STS: variants seen among roughly 807,000 people sequenced by gnomAD.
STS encodes the protein steroid sulfatase, also known as steryl-sulfatase.
A neutral mutation model predicts 26.8 loss-of-function variants in STS; 7 were observed. The ratio of observed to expected loss-of-function variants is 0.26; its 90% CI spans 0.15 to 0.49. STS has a LOEUF of 0.49. STS is among the 20% of genes least tolerant of loss of function. STS has a pLI of 0.98. For synonymous variants in STS, 199 were observed against 189.4 expected (o/e 1.05, Z -0.42); for missense variants, 434 against 465.6 (o/e 0.93, Z 0.63).
At chrX:7,246,991 A>G (rs1386453375) in intron 2 of STS, among the ~76,000 whole-genome samples, 6 of 112,716 alleles carry the variant, frequency 5.3e-5, no homozygotes, top group Admixed American at 4.7e-4. Context: ...AAATAATTCT[A>G]TGGTAATAGT....
chrX:7,251,634 C>T (rs1045660629), intron 2 of STS, among the ~76,000 whole-genome samples: 8 of 111,226 alleles, frequency 7.2e-5, no homozygotes, highest in African/African-American at 1.3e-4. Flanking sequence ...AAGACACCTG[C>T]GCTGTACCCC....
chrX:7,204,170 T>C (rs1207226019), intron 2 of STS, among the ~76,000 whole-genome samples: 2 of 111,538 alleles, frequency 1.8e-5, no homozygotes, highest in South Asian at 3.8e-4. Flanking sequence ...ACCATAAGGT[T>C]TTATATATGA....
At chrX:7,204,640 C>G (rs955172186) in intron 2 of STS, among the ~76,000 whole-genome samples, 2 of 102,043 alleles carry the variant, frequency 2.0e-5, no homozygotes, top group Non-Finnish European at 4.0e-5. Context: ...CCCTCTCTTC[C>G]TTTTTTCTCT....
intron 8 of STS, among the ~76,000 whole-genome samples, chrX:7,306,385 C>T (rs765617094): frequency 4.5e-5 from 5 of 111,173 alleles, no homozygotes; most frequent in Admixed American, 9.6e-5. Flanking sequence ...GAAGAGATGA[C>T]GCCTTAACCA....
intron 1 of STS, among the ~76,000 whole-genome samples, chrX:7,187,559 A>G (rs1472850574): frequency 8.9e-6 from 1 of 112,224 alleles, no homozygotes; most frequent in Non-Finnish European, 1.9e-5. Flanking sequence ...CTAAGGAGAA[A>G]TGCATTCTCT....
chrX:7,317,501 C>T (rs998270362), intron 8 of STS, among the ~76,000 whole-genome samples: 4 of 111,459 alleles, frequency 3.6e-5, no homozygotes, highest in Non-Finnish European at 7.5e-5. Flanking sequence ...CAGCGTTTCA[C>T]TTTGTCACCC....
At chrX:7,316,686 C>G (rs1014241920) in intron 8 of STS, among the ~76,000 whole-genome samples, 8 of 111,783 alleles carry the variant, frequency 7.2e-5, no homozygotes, top group African/African-American at 2.6e-4. Flanking sequence ...CTTATTTTTG[C>G]CTTCATAATA....
At chrX:7,259,135 G>A (rs1194827234) in intron 5 of STS, among the ~76,000 whole-genome samples, 2 of 111,005 alleles carry the variant, frequency 1.8e-5, no homozygotes, top group Admixed American at 9.6e-5. Context: ...TGTTGGAATC[G>A]CTAAATTAGT....
chrX:7,340,556 T>A (rs1189091082), intron 10 of STS, among the ~76,000 whole-genome samples: 1 of 112,507 alleles, frequency 8.9e-6, no homozygotes, highest in East Asian at 2.8e-4. Flanking sequence ...CTGATGTTTG[T>A]TGCATATTTA....
intron 9 of STS, among the ~76,000 whole-genome samples, chrX:7,332,520 T>G (rs1927804974): frequency 9.1e-6 from 1 of 110,362 alleles, no homozygotes; most frequent in African/African-American, 3.3e-5. Context: ...GGGGAGTCAT[T>G]GAAAGACATT....
intron 2 of STS, among the ~76,000 whole-genome samples, chrX:7,226,639 A>G (rs777064774): frequency 1.8e-5 from 2 of 111,674 alleles, no homozygotes; most frequent in East Asian, 5.7e-4. Flanking sequence ...CATGCCTGCA[A>G]TCCCAGCACT....
chrX:7,323,144 C>G (rs1056699475), intron 8 of STS, among the ~76,000 whole-genome samples: 6 of 111,647 alleles, frequency 5.4e-5, no homozygotes, highest in Non-Finnish European at 1.1e-4. Flanking sequence ...AAGCTATTTT[C>G]TCAAGTGCAA....
intron 8 of STS, among the ~76,000 whole-genome samples, chrX:7,314,387 G>A (rs1371706720): frequency 9.0e-6 from 1 of 111,633 alleles, no homozygotes; most frequent in African/African-American, 3.3e-5. Flanking sequence ...GACTGACAGT[G>A]TCAGGTGATG....
Position 7,161,985 on chromosome X carries a change from A to G in STS, c.-134+13902A>G, listed in dbSNP as rs192009662. Among the ~76,000 whole-genome samples, 10 of 111,831 alleles carry G rather than the reference A, an allele frequency of 8.9e-5. No homozygotes were observed. The East Asian group carries it at 1.7e-3, about 19-fold the overall frequency. On this transcript the variant is annotated intron_variant, in intron 1 of 10. Coordinates refer to ENST00000674429, the MANE Select transcript of STS (RefSeq NM_001320752.2). ...ACAGAAATCTAAAAGCTTTCAGTGCATGAAAAAAAGATAATAATGACTCCT... is the reference window on the plus strand; with the variant it reads ...ACAGAAATCTAAAAGCTTTCAGTGCGTGAAAAAAAGATAATAATGACTCCT...
intron 1 of STS, among the ~76,000 whole-genome samples, chrX:7,178,454 C>T (rs1345524232): frequency 5.4e-5 from 6 of 111,422 alleles, no homozygotes; most frequent in Non-Finnish European, 1.1e-4. Flanking sequence ...CTCCCGCTGC[C>T]GCATCGTGGG....
At chrX:7,294,143 A>G (rs1373968057) in intron 7 of STS, among the ~76,000 whole-genome samples, 1 of 111,399 alleles carries the variant, frequency 9.0e-6, no homozygotes, top group African/African-American at 3.3e-5. Context: ...TCTGAGTCTT[A>G]TCAAGTCTAT....
chrX:7,178,293 C>T (rs762196000), intron 1 of STS, among the ~76,000 whole-genome samples: 68 of 112,219 alleles, frequency 6.1e-4, no homozygotes, highest in Non-Finnish European at 1.2e-3. Flanking sequence ...GATTGCTACC[C>T]GAGCTTCAGT....
chrX:7,280,797 T>C (rs1289763924), intron 7 of STS, among the ~76,000 whole-genome samples: 1 of 112,596 alleles, frequency 8.9e-6, no homozygotes, highest in East Asian at 2.8e-4. Flanking sequence ...AATCAGCCTT[T>C]GCTCAGGATT....
chrX:7,210,239 C>A (rs1920991570), intron 2 of STS, among the ~76,000 whole-genome samples: 1 of 110,953 alleles, frequency 9.0e-6, no homozygotes, highest in Non-Finnish European at 1.9e-5. Context: ...ACGTTCCCAC[C>A]AACAGTGTAA....
Sources: allele counts gnomAD v4.1 joint callset (sites outside exome capture counted in the v4.1 genomes callset), GRCh38; gene constraint gnomAD v4.1.1; transcripts MANE v1.5; gene names NCBI Gene and HGNC (gene_info 2026-07-23, HGNC 2026-07-21).